Variants in ABCC2 observed in about 807,000 individuals in gnomAD.
ABCC2 encodes the protein ATP-binding cassette sub-family C member 2.
A neutral mutation model predicts 173.4 loss-of-function variants in ABCC2; 157 were observed. That is an observed-to-expected ratio of 0.91 (90% CI 0.80 to 1.03). The LOEUF is 1.03. Ranked by LOEUF, ABCC2 falls within the 50% of genes least tolerant of loss-of-function variation. The pLI is 0.00. For synonymous variants in ABCC2, 657 were observed against 693.5 expected (o/e 0.95, Z 0.83); for missense variants, 1,822 against 1,852.3 (o/e 0.98, Z 0.30).
intron 19 of ABCC2, among the ~76,000 whole-genome samples, chr10:99,827,171 T>C (rs371920384): frequency 0.057 from 4,309 of 75,066 alleles, no homozygotes; most frequent in Admixed American, 0.093. Flanking sequence ...GAAGTTCGGC[T>C]GGCGGCCAGT....
chr10:99,849,805 C>A (rs748131569), intron 30 of ABCC2, among the ~76,000 whole-genome samples: 1 of 152,160 alleles, frequency 6.6e-6, no homozygotes, highest in African/African-American at 2.4e-5. Context: ...CTTTGGCCAC[C>A]CCCTGTTTAA....
intron 9 of ABCC2, among the ~76,000 whole-genome samples, chr10:99,802,884 A>G (rs937097951): frequency 6.6e-6 from 1 of 152,226 alleles, no homozygotes; most frequent in African/African-American, 2.4e-5. Context: ...TGACCTCTCT[A>G]ACATGAGAAC....
At chr10:99,815,890 T>G (rs942224352) in intron 16 of ABCC2, among the ~76,000 whole-genome samples, 5 of 152,236 alleles carry the variant, frequency 3.3e-5, no homozygotes, top group African/African-American at 1.2e-4. Context: ...TAACTCCTTT[T>G]GGGAAGCTTT....
In ABCC2 at chr10:99,851,558, TA is replaced by T; in HGVS notation, c.4566del (p.Gln1523LysfsTer18). 3 of 1,614,166 alleles carry T rather than the reference TA, an allele frequency of 1.9e-6. No homozygotes were observed. The highest frequency in any genetic ancestry group is 2.5e-6 in the Non-Finnish European group (3 of 1,180,022). On this transcript the variant is annotated frameshift_variant, in exon 32 of 32. Transcript: ENST00000647814. LOFTEE classifies it low-confidence loss of function (END_TRUNC). Reference sequence around the variant, plus strand: ...GAGTGCGGCAGCCCTGAAGAACTGCTACAAATCCCTGGACCCTTTTACTTTA... The same window carrying T: ...GAGTGCGGCAGCCCTGAAGAACTGCTCAAATCCCTGGACCCTTTTACTTTA... ...IIECGSPEELLQIPGPFYFMA... is the reference protein window; with the variant it reads ...IIECGSPEELXQIPGPFYFMA...
At chr10:99,838,156 A>AC (rs2038858577) in intron 25 of ABCC2, among the ~76,000 whole-genome samples, 1 of 68,424 alleles carries the variant, frequency 1.5e-5, no homozygotes, top group Non-Finnish European at 3.1e-5. Context: ...CGGGGGGCTG[A>AC]CCCCCCAACC....
chr10:99,833,584 T>C lies in ABCC2; in HGVS notation c.3259-796T>C, dbSNP rs1189076111. Among the ~76,000 whole-genome samples, 4 of 152,288 alleles carry C rather than the reference T, an allele frequency of 2.6e-5. 1 individual carries two copies. The highest frequency in any genetic ancestry group is 1.3e-4 in the Admixed American group (2 of 15,302). The stretch of plus-strand genomic sequence containing the variant: ...AGGTAAGGATCAAAAGTAATCTGCA[T>C]AGAACTGATAACTGGTAGGGATTTC... On this transcript the variant is annotated intron_variant, in intron 23 of 31. Coordinates refer to ENST00000647814, the MANE Select transcript of ABCC2 (RefSeq NM_000392.5).
In ABCC2 at chr10:99,808,064, A is replaced by T; in HGVS notation, c.1669-19A>T. ...GGTCCCTTTTAGGAATAAATTGCTCATGACCTTGCCCTTTCCAGGTATCTG... is the reference window on the plus strand; with the variant it reads ...GGTCCCTTTTAGGAATAAATTGCTCTTGACCTTGCCCTTTCCAGGTATCTG... On this transcript the variant is annotated intron_variant, in intron 12 of 31. Coordinates refer to ENST00000647814, the MANE Select transcript of ABCC2 (RefSeq NM_000392.5). 1 of 1,613,782 alleles carries T rather than the reference A, an allele frequency of 6.2e-7. No homozygotes were observed. Among genetic ancestry groups the T allele is most frequent in the Non-Finnish European group, 8.5e-7 (1 of 1,179,836 alleles).
intron 6 of ABCC2, among the ~76,000 whole-genome samples, chr10:99,795,106 G>T (rs2037876720): frequency 6.6e-6 from 1 of 152,142 alleles, no homozygotes; most frequent in Non-Finnish European, 1.5e-5. Context: ...GCTACCAGAG[G>T]ATCTGGAGCA....
intron 14 of ABCC2, among the ~76,000 whole-genome samples, chr10:99,811,205 C>T (rs905900448): frequency 3.3e-5 from 5 of 151,938 alleles, no homozygotes; most frequent in Admixed American, 6.6e-5. Context: ...GTGGTGCATG[C>T]CTGTAGTCCC....
Position 99,797,347 on chromosome 10 carries a change from GTGTC to G in ABCC2, c.867+20_867+23del. The G allele has an allele frequency of 1.2e-6, 2 of 1,604,160 alleles. No individual in the cohort carries two copies. The highest frequency in any genetic ancestry group is 8.5e-7 in the Non-Finnish European group (1 of 1,174,822). On this transcript the variant is annotated intron_variant, in intron 7 of 31. Coordinates refer to ENST00000647814, the MANE Select transcript of ABCC2 (RefSeq NM_000392.5). ...CCTTGTCCTGGTAACTTTCCCTTGAGTGTCTGTGTGAGCGCGCTGCATGTTTCAG... is the reference window on the plus strand; with the variant it reads ...CCTTGTCCTGGTAACTTTCCCTTGAGTGTGTGAGCGCGCTGCATGTTTCAG...
At chr10:99,783,094 A>G (rs1381195353) in intron 1 of ABCC2, among the ~76,000 whole-genome samples, 1 of 152,212 alleles carries the variant, frequency 6.6e-6, no homozygotes, top group Non-Finnish European at 1.5e-5. Flanking sequence ...GTTTTTTTAT[A>G]TCAGACTCTT....
Position 99,811,618 on chromosome 10 carries a change from T to C in ABCC2, c.1967+16T>C. ...CAGTCCGAGAGTGAGTTGCCTTCTT[T>C]CCATCCTAATGTTCTTTAGCATTCT... On this transcript the variant is annotated intron_variant, in intron 15 of 31. Coordinates refer to ENST00000647814, the MANE Select transcript of ABCC2 (RefSeq NM_000392.5). 1 of 1,613,872 alleles carries C rather than the reference T, an allele frequency of 6.2e-7. No individual in the cohort carries two copies. Among genetic ancestry groups the C allele is most frequent in the Non-Finnish European group, 8.5e-7 (1 of 1,179,794 alleles).
At chr10:99,832,441 A>G (rs2038756810) in intron 23 of ABCC2, among the ~76,000 whole-genome samples, 1 of 152,144 alleles carries the variant, frequency 6.6e-6, no homozygotes. Flanking sequence ...TACAAAGGAA[A>G]AAAAGGCACT....
At position 99,850,759 on chromosome 10, in the gene ABCC2, AT is replaced by A. The variant is rs765192397; in HGVS notation, c.4472del (p.Ile1491ThrfsTer14). ...NEFAHCTVIT[I>X]AHRLHTIMDS... is the part of the protein sequence containing the mutation. The stretch of plus-strand genomic sequence containing the variant: ...GTTCGCCCACTGCACAGTGATCACC[AT>A]CGCCCACAGGCTGCACACCATCATG... On this transcript the variant is annotated frameshift_variant, in exon 31 of 32. Transcript: ENST00000647814. LOFTEE classifies it high-confidence loss of function. 4.3e-6 allele frequency: 7 copies of A among 1,614,188 alleles called. No individual in the cohort carries two copies. In the East Asian group the frequency reaches 1.6e-4, roughly 36 times the overall value.
chr10:99,821,983 C>T (rs2038546812), intron 19 of ABCC2, among the ~76,000 whole-genome samples: 2 of 151,974 alleles, frequency 1.3e-5, no homozygotes, highest in Non-Finnish European at 2.9e-5. Context: ...TGGTGCTCTC[C>T]CTAGGCAAAT....
At chr10:99,826,961 C>A (rs1297071860) in intron 19 of ABCC2, among the ~76,000 whole-genome samples, 1 of 151,942 alleles carries the variant, frequency 6.6e-6, no homozygotes, top group African/African-American at 2.4e-5. Flanking sequence ...TCGGTTCTAA[C>A]GTTACTGGGA....
chr10:99,820,284 G>C (rs192365915), intron 19 of ABCC2, among the ~76,000 whole-genome samples: 4 of 152,274 alleles, frequency 2.6e-5, no homozygotes, highest in African/African-American at 4.8e-5. Context: ...CCAGCTGCTT[G>C]GGAGGCTGAG....
chr10:99,836,972 G>A (rs2038833388), intron 25 of ABCC2, among the ~76,000 whole-genome samples: 1 of 149,646 alleles, frequency 6.7e-6, no homozygotes, highest in African/African-American at 2.5e-5. Context: ...GACAGGTCAG[G>A]AGTTTGATTG....
chr10:99,795,691 T>C (rs2037888920), intron 6 of ABCC2, among the ~76,000 whole-genome samples: 2 of 116,700 alleles, frequency 1.7e-5, no homozygotes, highest in African/African-American at 3.3e-5. Flanking sequence ...AAGAGCAAAA[T>C]TCCATCAAAA....
Sources: allele counts gnomAD v4.1 joint callset (sites outside exome capture counted in the v4.1 genomes callset), GRCh38; gene constraint gnomAD v4.1.1; transcripts MANE v1.5; gene names NCBI Gene and HGNC (gene_info 2026-07-23, HGNC 2026-07-21).